The following PPARGC1A variants were observed in gnomAD, a reference collection of about 807,000 sequenced individuals.
PPARGC1A encodes peroxisome proliferator-activated receptor gamma coactivator 1-alpha.
Under a neutral mutation model 88.7 loss-of-function variants are expected in PPARGC1A, and 25 were observed. That is an observed-to-expected ratio of 0.28 (90% confidence interval 0.21 to 0.39). PPARGC1A has a LOEUF of 0.39. Among genes scored for constraint, PPARGC1A ranks in the 10% least tolerant of loss-of-function variants. The pLI is 1.00. For missense variants in PPARGC1A, 880 were observed against 968.7 expected, an observed-to-expected ratio of 0.91 and a Z score of 1.22; for synonymous variants, 363 against 355.6, an observed-to-expected ratio of 1.02 and a Z score of -0.24.
At chr4:24,177,040 A>G in the PPARGC1A span, among the ~76,000 whole-genome samples, 3 of 152,188 alleles carry the variant, frequency 2.0e-5, no homozygotes, top group African/African-American at 7.2e-5. Context: ...TAGTTCAACC[A>G]TTGTGGAAGT....
chr4:24,154,559 T>C, the PPARGC1A span, among the ~76,000 whole-genome samples: 1 of 152,190 alleles, frequency 6.6e-6, no homozygotes, highest in Non-Finnish European at 1.5e-5. Flanking sequence ...CCAACCCAAT[T>C]TAAGACTTCC....
chr4:23,832,759 G>A (rs1267818654), intron 2 of PPARGC1A, among the ~76,000 whole-genome samples: 5 of 151,596 alleles, frequency 3.3e-5, no homozygotes, highest in Non-Finnish European at 5.9e-5. Flanking sequence ...ACAGGTGTCC[G>A]CCACCACGCC....
chr4:23,860,131 G>T (rs1730977237), intron 2 of PPARGC1A, among the ~76,000 whole-genome samples: 1 of 152,002 alleles, frequency 6.6e-6, no homozygotes, highest in African/African-American at 2.4e-5. Context: ...AATTAGCCAA[G>T]TGTGGTGGCA....
At chr4:24,296,828 G>A in the PPARGC1A span, among the ~76,000 whole-genome samples, 1 of 152,178 alleles carries the variant, frequency 6.6e-6, no homozygotes, top group African/African-American at 2.4e-5. Flanking sequence ...AACTGCCCAA[G>A]GTCACACAGC....
the PPARGC1A span, among the ~76,000 whole-genome samples, chr4:24,013,428 G>A: frequency 1.3e-5 from 2 of 151,720 alleles, no homozygotes; most frequent in East Asian, 1.9e-4. Flanking sequence ...TTGTCTCCTC[G>A]TCCTCTCTCC....
the PPARGC1A span, among the ~76,000 whole-genome samples, chr4:24,291,705 G>A: frequency 6.6e-6 from 1 of 152,168 alleles, no homozygotes; most frequent in Non-Finnish European, 1.5e-5. Flanking sequence ...GAACACTGAA[G>A]CTGAACTCAG....
chr4:24,247,249 C>T, the PPARGC1A span, among the ~76,000 whole-genome samples: 3 of 152,140 alleles, frequency 2.0e-5, no homozygotes, highest in Admixed American at 6.5e-5. Flanking sequence ...CCCCCTGAGG[C>T]TCTACAAAAG....
At chr4:24,325,845 G>T in the PPARGC1A span, among the ~76,000 whole-genome samples, 2 of 152,086 alleles carry the variant, frequency 1.3e-5, no homozygotes, top group African/African-American at 4.8e-5. Flanking sequence ...CATAACTATT[G>T]TGGGTATTGA....
the PPARGC1A span, among the ~76,000 whole-genome samples, chr4:24,358,175 A>G: frequency 3.9e-5 from 6 of 152,206 alleles, 1 homozygote; most frequent in Non-Finnish European, 4.4e-5. Context: ...AAGGTCATGC[A>G]GTTAGTATGT....
chr4:24,139,836 G>T, the PPARGC1A span, among the ~76,000 whole-genome samples: 1 of 152,172 alleles, frequency 6.6e-6, no homozygotes, highest in Non-Finnish European at 1.5e-5. Flanking sequence ...GGAACTGAGT[G>T]CACCAAAAAG....
At chr4:23,867,870 T>TA (rs1181621013) in intron 2 of PPARGC1A, among the ~76,000 whole-genome samples, 2 of 152,174 alleles carry the variant, frequency 1.3e-5, no homozygotes, top group Non-Finnish European at 2.9e-5. Flanking sequence ...ATTACAATCG[T>TA]AAACGAGGAA....
chr4:23,936,825 G>A, the PPARGC1A span, among the ~76,000 whole-genome samples: 11 of 152,174 alleles, frequency 7.2e-5, no homozygotes, highest in Admixed American at 4.6e-4. Context: ...AGTCGAGATC[G>A]CACGACTGCA....
chr4:24,290,459 C>CTAAAT, the PPARGC1A span, among the ~76,000 whole-genome samples: 1 of 152,178 alleles, frequency 6.6e-6, no homozygotes, highest in African/African-American at 2.4e-5. Flanking sequence ...CCTCTCTGAG[C>CTAAAT]CTCCATTTCC....
chr4:24,295,827 T>C, the PPARGC1A span, among the ~76,000 whole-genome samples: 3 of 151,178 alleles, frequency 2.0e-5, no homozygotes, highest in Non-Finnish European at 2.9e-5. Context: ...TGGCATCCCA[T>C]TCCCATTTCA....
the PPARGC1A span, among the ~76,000 whole-genome samples, chr4:24,241,480 T>C: frequency 6.6e-6 from 1 of 152,316 alleles, no homozygotes; most frequent in African/African-American, 2.4e-5. Context: ...CACAGACATA[T>C]TATTTTGCAT....
the PPARGC1A span, among the ~76,000 whole-genome samples, chr4:24,101,165 A>G: frequency 6.6e-6 from 1 of 152,168 alleles, no homozygotes; most frequent in African/African-American, 2.4e-5. Flanking sequence ...CTAATGGATT[A>G]GCACCATCCC....
Position 23,802,163 on chromosome 4 carries a change from A to T in PPARGC1A, c.2141+61T>A. 3 of 1,579,470 alleles carry T rather than the reference A, an allele frequency of 1.9e-6. No homozygotes were observed. In the South Asian group the frequency reaches 3.3e-5, roughly 18 times the overall value. On this transcript the variant is annotated intron_variant, in intron 11 of 12. Transcript: ENST00000264867. ...TGGCAACTCCCATCCCAGTAATCTTATGGCCATAATTTTTTACATACGTCA... is the reference window on the plus strand; with the variant it reads ...TGGCAACTCCCATCCCAGTAATCTTTTGGCCATAATTTTTTACATACGTCA...
rs1054494416 is a variant in PPARGC1A at position 23,829,497 on chromosome 4, T to C, written c.518A>G (p.Asn173Ser). The change falls in exon 4 of 13, where the codon AAT (asparagine) becomes AGT (serine). Residue 173 changes from asparagine (N) to serine (S), a missense_variant. By Grantham distance (46) the Asn-to-Ser change is conservative. Coordinates refer to ENST00000264867, the MANE Select transcript of PPARGC1A (RefSeq NM_013261.5). ...GLSTQNHANH[N>S]HRIRTNPAIV... ...TGCAGGGTTTGTTCTGATCCTGTGA[T>C]TGTGATTTGCATGGTTCTGGGTACT... The C allele has an allele frequency of 5.6e-6, 9 of 1,613,752 alleles. No homozygotes were observed. The highest frequency in any genetic ancestry group is 6.8e-6 in the Non-Finnish European group (8 of 1,179,764).
At chr4:24,468,434 C>G in the PPARGC1A span, among the ~76,000 whole-genome samples, 1 of 152,186 alleles carries the variant, frequency 6.6e-6, no homozygotes, top group Non-Finnish European at 1.5e-5. Context: ...TGCTCCCCCC[C>G]GCACACACAC....
Sources: allele counts gnomAD v4.1 joint callset (sites outside exome capture counted in the v4.1 genomes callset), GRCh38; gene constraint gnomAD v4.1.1; transcripts MANE v1.5; gene names NCBI Gene and HGNC (gene_info 2026-07-23, HGNC 2026-07-21).